ANO3: variants seen among roughly 807,000 people sequenced by gnomAD.
ANO3 encodes anoctamin-3.
ANO3 carries 99 observed loss-of-function variants against 144.8 expected under a neutral mutation model. That is an observed-to-expected ratio of 0.68 (90% CI 0.58 to 0.81). ANO3 has a LOEUF of 0.81. Ranked by LOEUF, ANO3 falls within the 30% of genes least tolerant of loss-of-function variation. The pLI is 0.00. For missense variants in ANO3, 905 were observed against 1,202.2 expected (o/e 0.75, Z 3.66); for synonymous variants, 414 against 392.6 (o/e 1.05, Z -0.64).
intron 1 of ANO3, among the ~76,000 whole-genome samples, chr11:26,313,915 AAAAG>A (rs1457508917): frequency 2.0e-5 from 3 of 150,628 alleles, no homozygotes; most frequent in Admixed American, 2.0e-4. Context: ...GAGTACCTAA[AAAAG>A]AAAGAGATAG....
chr11:26,322,341 G>A (rs756082393), intron 1 of ANO3, among the ~76,000 whole-genome samples: 2 of 151,956 alleles, frequency 1.3e-5, no homozygotes, highest in Non-Finnish European at 2.9e-5. Context: ...TTGTATGTTT[G>A]TTACAGCTGA....
In ANO3 at chr11:26,490,884, C is replaced by T. The variant is rs561030653; in HGVS notation, c.433-17220C>T. On this transcript the variant is annotated intron_variant, in intron 4 of 26. Transcript: ENST00000256737. ...ATACTTGGCGACTCACCTTGAACAG[C>T]GTTTTAATTGGCCTGTTGCCGAATC... is the stretch of plus-strand genomic sequence containing the variant. 5.3e-5 allele frequency among the ~76,000 whole-genome samples: 8 copies of T among 152,318 alleles called. No individual in the cohort carries two copies. The East Asian group carries it at 7.7e-4, about 15-fold the overall frequency.
In ANO3 at chr11:26,642,073, A is replaced by C. The variant is rs758238122; in HGVS notation, c.2275+44A>C. 8 of 1,584,858 alleles carry C rather than the reference A, an allele frequency of 5.0e-6. No homozygotes were observed. The South Asian group carries it at 8.1e-5, about 16-fold the overall frequency. Reference sequence around the variant, plus strand: ...CAGGACTATTTGGCCTTCTTGATACAATTTTTCTACTTCACAGAAGCTTTG... The same window carrying C: ...CAGGACTATTTGGCCTTCTTGATACCATTTTTCTACTTCACAGAAGCTTTG... On this transcript the variant is annotated intron_variant, in intron 22 of 26. Coordinates refer to ENST00000256737, the MANE Select transcript of ANO3 (RefSeq NM_031418.4).
intron 1 of ANO3, among the ~76,000 whole-genome samples, chr11:26,234,828 T>C (rs1403273873): frequency 9.2e-6 from 1 of 108,140 alleles, no homozygotes; most frequent in East Asian, 2.8e-4. Flanking sequence ...TACATGCTTA[T>C]GGAGTCTGCC....
intron 1 of ANO3, among the ~76,000 whole-genome samples, chr11:26,439,196 T>A (rs1858421029): frequency 1.3e-5 from 2 of 152,166 alleles, no homozygotes; most frequent in Admixed American, 1.3e-4. Context: ...AACCTAAACT[T>A]AAGAGCTAAA....
chr11:26,276,788 T>C (rs1296938915), intron 1 of ANO3, among the ~76,000 whole-genome samples: 3 of 152,164 alleles, frequency 2.0e-5, no homozygotes, highest in African/African-American at 4.8e-5. Context: ...CAAAATGATA[T>C]CCTTCACCTC....
chr11:26,320,483 T>C (rs2133878557), intron 1 of ANO3, among the ~76,000 whole-genome samples: 1 of 152,330 alleles, frequency 6.6e-6, no homozygotes, highest in East Asian at 1.9e-4. Context: ...AAAACTTCTG[T>C]TAAATGAACA....
Position 26,259,407 on chromosome 11 carries a change from T to C in ANO3, c.155-50238T>C, listed in dbSNP as rs1191640793. Among the ~76,000 whole-genome samples, 3 of 152,102 alleles carry C rather than the reference T, an allele frequency of 2.0e-5. No individual in the cohort carries two copies. The South Asian group carries it at 6.2e-4, about 32-fold the overall frequency. On this transcript the variant is annotated intron_variant, in intron 1 of 27. Coordinates refer to the ANO3 transcript ENST00000672621. ...GCTCACGCCTATAATTCCACCTCTT[T>C]GGGAGGCCGAGGCAGGCGGATCATG...
chr11:26,635,502 G>A (rs925141859), intron 20 of ANO3, among the ~76,000 whole-genome samples: 5 of 152,092 alleles, frequency 3.3e-5, no homozygotes, highest in African/African-American at 1.2e-4. Flanking sequence ...CAATATGTAT[G>A]TTATATGGAA....
rs987410221 is a variant in ANO3, at chr11:26,232,939, C to T, written c.154+43609C>T. The stretch of plus-strand genomic sequence containing the variant: ...AGGAACTTAAATAAATTTACCAGGC[C>T]GGGCACAGTGGCTCAAGCCTGTAAT... On this transcript the variant is annotated intron_variant, in intron 1 of 27. Coordinates refer to the ANO3 transcript ENST00000672621. 4.5e-4 allele frequency among the ~76,000 whole-genome samples: 68 copies of T among 152,136 alleles called. 1 individual carries two copies. The highest frequency in any genetic ancestry group is 1.4e-3 in the African/African-American group (60 of 41,516).
chr11:26,403,074 ATACT>A (rs1565004384), intron 1 of ANO3, among the ~76,000 whole-genome samples: 1 of 151,816 alleles, frequency 6.6e-6, no homozygotes, highest in Admixed American at 6.6e-5. Context: ...TTGTTTTTGT[ATACT>A]TACCTACATT....
chr11:26,592,325 G>A (rs1290868847), intron 14 of ANO3, among the ~76,000 whole-genome samples: 1 of 152,012 alleles, frequency 6.6e-6, no homozygotes, highest in East Asian at 1.9e-4. Context: ...TGAGGATTGT[G>A]GCCTCCAGGT....
chr11:26,403,613 G>A (rs1020940855), intron 1 of ANO3, among the ~76,000 whole-genome samples: 1 of 151,864 alleles, frequency 6.6e-6, no homozygotes, highest in Admixed American at 6.6e-5. Context: ...TAGTAGCAGA[G>A]TGAGTCTTCA....
chr11:26,384,346 AGTT>A (rs1313894380), intron 1 of ANO3, among the ~76,000 whole-genome samples: 2 of 152,206 alleles, frequency 1.3e-5, no homozygotes, highest in Non-Finnish European at 1.5e-5. Context: ...GACAAGTAGT[AGTT>A]AACTTTAGAC....
chr11:26,204,656 C>G (rs1421996212), intron 1 of ANO3, among the ~76,000 whole-genome samples: 1 of 152,052 alleles, frequency 6.6e-6, no homozygotes, highest in African/African-American at 2.4e-5. Context: ...TGATGCTGCT[C>G]TTATTTGGTT....
chr11:26,374,555 AT>A (rs1412689988), intron 1 of ANO3, among the ~76,000 whole-genome samples: 2 of 152,176 alleles, frequency 1.3e-5, no homozygotes, highest in East Asian at 1.9e-4. Flanking sequence ...ATCATTTGCC[AT>A]TTTAATTATA....
rs568320501 is a variant in ANO3 at position 26,268,727 on chromosome 11, C to CA, written c.155-40917dup. Among the ~76,000 whole-genome samples the CA allele has an allele frequency of 1.9e-3, 294 of 152,254 alleles. 2 individuals are homozygous for CA. Among genetic ancestry groups the CA allele is most frequent in the Non-Finnish European group, 3.3e-3 (225 of 68,028 alleles). On this transcript the variant is annotated intron_variant, in intron 1 of 27. Transcript: ENST00000672621. ...TCTCCTAGTTCTAGATCAGTGCGACCACAGCTGCTGAGCTGCATTCAGCTG... is the reference window on the plus strand; with the variant it reads ...TCTCCTAGTTCTAGATCAGTGCGACCAACAGCTGCTGAGCTGCATTCAGCTG...
At chr11:26,613,462 A>G (rs2132974101) in intron 17 of ANO3, among the ~76,000 whole-genome samples, 1 of 152,238 alleles carries the variant, frequency 6.6e-6, no homozygotes, top group South Asian at 2.1e-4. Context: ...ATCATTATTT[A>G]CAATGCTTTT....
intron 14 of ANO3, among the ~76,000 whole-genome samples, chr11:26,569,260 G>C (rs1240941207): frequency 1.3e-5 from 2 of 152,094 alleles, no homozygotes; most frequent in African/African-American, 4.8e-5. Context: ...GAAGCACTCT[G>C]TTACTGCCTA....
Sources: allele counts gnomAD v4.1 joint callset (sites outside exome capture counted in the v4.1 genomes callset), GRCh38; gene constraint gnomAD v4.1.1; transcripts MANE v1.5; gene names NCBI Gene and HGNC (gene_info 2026-07-23, HGNC 2026-07-21).